Variants in GPATCH11 observed in about 807,000 individuals in gnomAD.
GPATCH11 encodes the protein G-patch domain containing 11, also known as G patch domain-containing protein 11.
Under a neutral mutation model 44.8 loss-of-function variants are expected in GPATCH11, and 32 were observed. The observed-to-expected ratio is 0.71, with a 90% confidence interval of 0.54 to 0.96. GPATCH11 has a LOEUF of 0.96. GPATCH11 is among the 40% of genes least tolerant of loss of function. The pLI is 0.00. For missense variants in GPATCH11, 324 were observed against 303.1 expected (o/e 1.07, Z -0.51); for synonymous variants, 84 against 94.4 (o/e 0.89, Z 0.64).
chr2:37,094,942 C>CAAAA (rs200157191), intron 7 of GPATCH11, among the ~76,000 whole-genome samples: 1 of 65,456 alleles, frequency 1.5e-5, no homozygotes. Context: ...CCCTGTCTCA[C>CAAAA]AAAAAAAAAA....
In GPATCH11 at chr2:37,098,714, A is replaced by T. The variant is rs182677635; in HGVS notation, c.*2451A>T. ...GTACTAGAACTAGACCGGCTTAGAG[A>T]GTGGGAGATATCCCTCTGTTGTCCA... On this transcript the variant is annotated 3_prime_UTR_variant, in exon 9 of 9. Coordinates refer to ENST00000674370, the MANE Select transcript of GPATCH11 (RefSeq NM_174931.4). 6.6e-6 allele frequency: 1 copy of T among 152,216 alleles called. No individual in the cohort carries two copies. Among genetic ancestry groups the T allele is most frequent in the African/African-American group, 2.4e-5 (1 of 41,448 alleles). The allele number at this position is 152,216 out of a possible 1,614,324, so 9.4% of individuals were successfully genotyped here. A position where few individuals can be genotyped will look rare whatever the true frequency, so the allele number is the denominator to read the frequency against.
intron 1 of GPATCH11, among the ~76,000 whole-genome samples, chr2:37,086,939 A>G (rs1673078681): frequency 6.6e-6 from 1 of 152,146 alleles, no homozygotes; most frequent in Admixed American, 6.6e-5. Flanking sequence ...TAGTCTATGT[A>G]ATGGGGTAGA....
Position 37,095,490 on chromosome 2 carries a change from T to C in GPATCH11, c.708T>C (p.Tyr236=), listed in dbSNP as rs747892555. 6.2e-7 allele frequency: 1 copy of C among 1,605,666 alleles called. No homozygotes were observed. The highest frequency in any genetic ancestry group is 2.3e-5 in the East Asian group (1 of 44,358). Residue 236 remains tyrosine, a synonymous_variant, in exon 8 of 9, where the codon TAT becomes TAC. Transcript: ENST00000674370. Reference sequence around the variant, plus strand: ...GTTATTTAAGAGAAGAACATCTATATTGTATTTGGTGTGGAACAGCCTATG... The same window carrying C: ...GTTATTTAAGAGAAGAACATCTATACTGTATTTGGTGTGGAACAGCCTATG... ...LTSYLREEHL[Y]CIWCGTAYED...
rs145305097 is a variant in GPATCH11 at position 37,088,440 on chromosome 2, A to G, written c.59A>G (p.Gln20Arg). The G allele has an allele frequency of 1.5e-5, 23 of 1,526,600 alleles. No homozygotes were observed. The highest frequency in any genetic ancestry group is 2.0e-5 in the Non-Finnish European group (22 of 1,106,096). 94.6% of individuals were successfully genotyped at this position (1,526,600 alleles called of 1,614,324 possible). A position where few individuals can be genotyped will look rare whatever the true frequency, so the allele number is the denominator to read the frequency against. ...ATGTCTGATTCCTTCATTAATGTCC[A>G]GTAAGTAAATGTGCACACCCAGTGC... The part of the protein sequence containing the change: ...DYMSDSFINV[Q>R]EDIRPGLPML... Residue 20 changes from glutamine (Q) to arginine (R), a missense_variant and splice_region_variant, in exon 2 of 9, where the codon CAA becomes CGA. Gln to Arg is a conservative substitution (Grantham distance 43, BLOSUM62 1). Transcript: ENST00000674370.
In GPATCH11 at chr2:37,096,412, A is replaced by G. The variant is rs1444889599; in HGVS notation, c.*149A>G. The G allele has an allele frequency of 3.2e-6, 2 of 615,580 alleles. No individual in the cohort carries two copies. Among genetic ancestry groups the G allele is most frequent in the South Asian group, 1.9e-5 (1 of 51,714 alleles). 38.1% of individuals were successfully genotyped at this position (615,580 alleles called of 1,614,324 possible). ...GTTCTTTTTGTACTTTAGAATATGA[A>G]TGTTCATTGACTTGAAAAAAATAAT... On this transcript the variant is annotated 3_prime_UTR_variant, in exon 9 of 9. Coordinates refer to ENST00000674370, the MANE Select transcript of GPATCH11 (RefSeq NM_174931.4).
chr2:37,084,648 G>A, intron 1 of GPATCH11, 78 bp downstream of exon 1: 1 of 1,122,786 alleles, frequency 8.9e-7, no homozygotes, highest in Middle Eastern at 3.3e-4. Flanking sequence ...CATGACTACC[G>A]TATCACACCG....
Position 37,098,307 on chromosome 2 carries a change from A to G in GPATCH11, c.*2044A>G, listed in dbSNP as rs1457941096. On this transcript the variant is annotated 3_prime_UTR_variant, in exon 9 of 9. Coordinates refer to ENST00000674370, the MANE Select transcript of GPATCH11 (RefSeq NM_174931.4). Reference sequence around the variant, plus strand: ...TGCTGCACTCCAGCCTGGGTGACAGAGCAAGACCCTGTCTCAAAAAAAAAA... The same window carrying G: ...TGCTGCACTCCAGCCTGGGTGACAGGGCAAGACCCTGTCTCAAAAAAAAAA... 1.3e-5 allele frequency: 2 copies of G among 150,908 alleles called. No individual in the cohort carries two copies. The highest frequency in any genetic ancestry group is 2.9e-5 in the Non-Finnish European group (2 of 67,922). 9.3% of individuals were successfully genotyped at this position (150,908 alleles called of 1,614,324 possible).
At chr2:37,091,778 T>C in intron 4 of GPATCH11, 138 bp from the exon 5 acceptor site, 1 of 651,590 alleles carries the variant, frequency 1.5e-6, no homozygotes, top group Non-Finnish European at 2.4e-6. Flanking sequence ...CCTAGTGTTT[T>C]CTACTATTAG....
chr2:37,095,568 T>A, intron 8 of GPATCH11, 50 bp downstream of exon 8: 1 of 1,493,302 alleles, frequency 6.7e-7, no homozygotes, highest in Non-Finnish European at 8.9e-7. Flanking sequence ...GCTCTCCAAT[T>A]TTTAGTTAAA....
rs1401173745 is a variant in GPATCH11, at chr2:37,097,421, G to A, written c.*1158G>A. ...ACCTTTTTAAAAGTTCATATGCTCA[G>A]GTGTCTCTCCTAGTGATTGATTTTG... On this transcript the variant is annotated 3_prime_UTR_variant, in exon 9 of 9. Coordinates refer to ENST00000674370, the MANE Select transcript of GPATCH11 (RefSeq NM_174931.4). The A allele has an allele frequency of 2.0e-5, 3 of 152,172 alleles. No homozygotes were observed. Among genetic ancestry groups the A allele is most frequent in the Admixed American group, 1.3e-4 (2 of 15,274 alleles). 9.4% of individuals were successfully genotyped at this position (152,172 alleles called of 1,614,324 possible).
In GPATCH11 at chr2:37,094,177, T is replaced by G. The variant is rs1179028047; in HGVS notation, c.636T>G (p.Tyr212Ter). ...AAAAAGAACAGGATGAAGATGAATA[T>G]AAGAGTGAAGATTTAAGCGTATGCT... Reference protein sequence around the residue: ...EEEKEQDEDEYKSEDLSVLEK... With the variant: ...EEEKEQDEDE Residue 212 changes from tyrosine (Y) to a stop codon, truncating the protein, a stop_gained, in exon 7 of 9, where the codon TAT becomes TAG. Transcript: ENST00000674370. LOFTEE classifies it high-confidence loss of function. 6.4e-7 allele frequency: 1 copy of G among 1,555,832 alleles called. No homozygotes were observed. Among genetic ancestry groups the G allele is most frequent in the South Asian group, 1.2e-5 (1 of 84,568 alleles).
rs200409208 is a variant in GPATCH11 at position 37,092,396 on chromosome 2, ATATATT to A, written c.540+147_540+152del. On this transcript the variant is annotated intron_variant, in intron 6 of 8. Transcript: ENST00000674370. Reference sequence around the variant, plus strand: ...TATTATATGTTTATATATGTATTACATATATTTATATGTATCATATATATTTATATA... The same window carrying A: ...TATTATATGTTTATATATGTATTACATATATGTATCATATATATTTATATA... The A allele has an allele frequency of 3.9e-4, 68 of 174,588 alleles. No individual in the cohort carries two copies. In the East Asian group the frequency reaches 0.012, roughly 30 times the overall value. The allele number at this position is 174,588 out of a possible 1,614,324, so 10.8% of individuals were successfully genotyped here.
chr2:37,098,996 G>C lies in GPATCH11; in HGVS notation c.*2733G>C, dbSNP rs1673745917. 6.6e-6 allele frequency: 1 copy of C among 152,108 alleles called. No individual in the cohort carries two copies. Among genetic ancestry groups the C allele is most frequent in the African/African-American group, 2.4e-5 (1 of 41,432 alleles). The allele number at this position is 152,108 out of a possible 1,614,324, so 9.4% of individuals were successfully genotyped here. A position where few individuals can be genotyped will look rare whatever the true frequency, so the allele number is the denominator to read the frequency against. ...ACCAAGGGAAGCAAAACACTGAAAA[G>C]AATTTTAAAATTTGTTGTAGAACAT... On this transcript the variant is annotated 3_prime_UTR_variant, in exon 9 of 9. Transcript: ENST00000674370.
chr2:37,087,640 C>T (rs904476065), intron 1 of GPATCH11, among the ~76,000 whole-genome samples: 7 of 152,124 alleles, frequency 4.6e-5, no homozygotes. Flanking sequence ...TCCAAATGAG[C>T]AGCTTGGACA....
At chr2:37,093,004 C>CAAAAAAA (rs1318832058) in intron 6 of GPATCH11, among the ~76,000 whole-genome samples, 11 of 151,918 alleles carry the variant, frequency 7.2e-5, no homozygotes, top group Non-Finnish European at 1.5e-4. Flanking sequence ...AAATTAGCTG[C>CAAAAAAA]ATGTGGTGGC....
Position 37,092,183 on chromosome 2 carries a change from G to T in GPATCH11, c.468G>T (p.Lys156Asn), listed in dbSNP as rs1673358811. The change falls in exon 6 of 9, where the codon AAG (lysine) becomes AAT (asparagine). Residue 156 changes from lysine (K) to asparagine (N), a missense_variant. Physicochemically the swap from Lys to Asn is moderately conservative, Grantham distance 94 (BLOSUM62 0). Transcript: ENST00000674370. ...CAATTAGAATGCGACTTAAAAATAA[G>T]CAAGATGAAATGAAGCTAGAAGGAG... ...AEQFRMRLKN[K>N]QDEMKLEGDL... The T allele has an allele frequency of 6.4e-7, 1 of 1,559,922 alleles. No individual in the cohort carries two copies. Among genetic ancestry groups the T allele is most frequent in the South Asian group, 1.2e-5 (1 of 80,742 alleles).
chr2:37,091,816 T>A (rs1673332139), intron 4 of GPATCH11, 100 bp from the exon 5 acceptor site: 1 of 1,064,140 alleles, frequency 9.4e-7, no homozygotes, highest in South Asian at 1.8e-5. Flanking sequence ...TGAGTGATAG[T>A]ACTCAAATGA....
chr2:37,092,045 A>G lies in GPATCH11; in HGVS notation c.449+9A>G, dbSNP rs1386441187. 32 of 1,612,148 alleles carry G rather than the reference A, an allele frequency of 2.0e-5. No homozygotes were observed. In the Admixed American group the frequency reaches 5.2e-4, roughly 26 times the overall value. On this transcript the variant is annotated intron_variant, in intron 5 of 8. Coordinates refer to ENST00000674370, the MANE Select transcript of GPATCH11 (RefSeq NM_174931.4). ...GCTGCAGAACAGTTTCGGTAAAACT[A>G]TTTTTGAGCTGGTTTTGGTTCTATT...
chr2:37,089,595 G>C (rs764181168), intron 2 of GPATCH11, 45 bp from the exon 3 acceptor site: 2 of 1,180,476 alleles, frequency 1.7e-6, no homozygotes, highest in South Asian at 1.6e-5. Flanking sequence ...AAAAAGAAAA[G>C]AAAACTTTAT....
Sources: gnomAD v4.1 joint callset for allele counts (sites outside exome capture counted in the v4.1 genomes callset) on GRCh38, gnomAD v4.1.1 for gene constraint, MANE v1.5 for transcripts, NCBI Gene and HGNC (gene_info 2026-07-23, HGNC 2026-07-21) for gene names.